Variants in LRBA observed in about 807,000 individuals in gnomAD.
LRBA encodes the protein LPS responsive beige-like anchor protein, also known as lipopolysaccharide-responsive and beige-like anchor protein.
LRBA carries 176 observed loss-of-function variants against 330.0 expected under a neutral mutation model. The ratio of observed to expected loss-of-function variants is 0.53; its 90% CI spans 0.47 to 0.60. The LOEUF is 0.60. Among genes scored for constraint, LRBA ranks in the 20% least tolerant of loss-of-function variants. LRBA has a pLI of 0.00. For missense variants in LRBA, 3,259 were observed against 3,444.8 expected (o/e 0.95, Z 1.35); for synonymous variants, 1,230 against 1,193.0 (o/e 1.03, Z -0.64).
chr4:150,891,673 G>C (rs1009129113), intron 17 of LRBA, among the ~76,000 whole-genome samples: 5 of 152,146 alleles, frequency 3.3e-5, no homozygotes, highest in Non-Finnish European at 5.9e-5. Flanking sequence ...TTCCACAATT[G>C]TGTAAAACAG....
At chr4:150,947,978 T>C (rs1736415378) in intron 2 of LRBA, among the ~76,000 whole-genome samples, 1 of 151,954 alleles carries the variant, frequency 6.6e-6, no homozygotes, top group East Asian at 1.9e-4. Context: ...AACAATAATA[T>C]GATGATGAAA....
chr4:150,302,308 T>C (rs139993227), intron 53 of LRBA, among the ~76,000 whole-genome samples: 210 of 152,344 alleles, frequency 1.4e-3, no homozygotes, highest in African/African-American at 4.9e-3. Context: ...CAAGGTAATA[T>C]GTGATTGCTC....
At chr4:150,477,515 A>C (rs1223936317) in intron 42 of LRBA, among the ~76,000 whole-genome samples, 1 of 152,088 alleles carries the variant, frequency 6.6e-6, no homozygotes, top group African/African-American at 2.4e-5. Flanking sequence ...CACTATCATG[A>C]GAACAACATG....
At chr4:150,557,659 C>T (rs1210675292) in intron 40 of LRBA, among the ~76,000 whole-genome samples, 6 of 151,972 alleles carry the variant, frequency 3.9e-5, no homozygotes, top group Non-Finnish European at 8.8e-5. Flanking sequence ...GTAGAATTCC[C>T]CTCAATTTGG....
At position 150,381,488 on chromosome 4, in the gene LRBA, TC is replaced by T. The variant is rs1742257710; in HGVS notation, c.7195-31330del. ...TATGTCTGGATTATTTAACTTAGCA[TC>T]ATGTTTTCATGGTTCATGCTGTAGC... is the stretch of plus-strand genomic sequence containing the variant. On this transcript the variant is annotated intron_variant, in intron 47 of 56. Transcript: ENST00000651943. Among the ~76,000 whole-genome samples the T allele has an allele frequency of 5.3e-5, 8 of 152,350 alleles. No homozygotes were observed. The South Asian group carries it at 1.5e-3, about 28-fold the overall frequency.
chr4:151,001,052 AC>A (rs1743268248), intron 2 of LRBA, among the ~76,000 whole-genome samples: 1 of 152,100 alleles, frequency 6.6e-6, no homozygotes, highest in African/African-American at 2.4e-5. Context: ...AAATGGTGCA[AC>A]AGCACCACTC....
intron 36 of LRBA, among the ~76,000 whole-genome samples, chr4:150,710,526 G>A (rs1179346463): frequency 1.3e-5 from 2 of 151,676 alleles, no homozygotes; most frequent in Non-Finnish European, 2.9e-5. Context: ...CAGAAATATT[G>A]GGTCAAAGTG....
chr4:150,593,448 T>C lies in LRBA; in HGVS notation c.6047-2589A>G, dbSNP rs149870032. 6.6e-4 allele frequency among the ~76,000 whole-genome samples: 100 copies of C among 152,290 alleles called. 2 individuals are homozygous for C. The Middle Eastern group carries it at 0.027, about 41-fold the overall frequency. On this transcript the variant is annotated intron_variant, in intron 38 of 56. Coordinates refer to ENST00000651943, the MANE Select transcript of LRBA (RefSeq NM_001364905.1). ...ATAAATTGACCAAGTTAACATGCGT[T>C]TGACAATTAGAGTCAGGATTTAAAA... is the stretch of plus-strand genomic sequence containing the variant.
chr4:150,372,258 GT>G (rs1412106587), intron 47 of LRBA, among the ~76,000 whole-genome samples: 1 of 151,950 alleles, frequency 6.6e-6, no homozygotes, highest in Non-Finnish European at 1.5e-5. Flanking sequence ...TCAATTTTAT[GT>G]CTCCAAAGTA....
Position 150,867,831 on chromosome 4 carries a change from C to T in LRBA, c.2606G>A (p.Trp869Ter). The T allele has an allele frequency of 6.2e-7, 1 of 1,613,116 alleles. No individual in the cohort carries two copies. Among genetic ancestry groups the T allele is most frequent in the Non-Finnish European group, 8.5e-7 (1 of 1,179,590 alleles). The change falls in exon 22 of 57, where the codon TGG (tryptophan) becomes TAG (stop). Residue 869 changes from tryptophan to a stop codon, truncating the protein, a stop_gained. Coordinates refer to ENST00000651943, the MANE Select transcript of LRBA (RefSeq NM_001364905.1). LOFTEE classifies it high-confidence loss of function. ...ATTAAAATAGCAGAGAGAAAGCATC[C>T]ATTCTTGCCACACAGAGCATTGTAG... ...SLLQCSVWQEWMLSLCYFNPK... is the reference protein window; with the variant it reads ...SLLQCSVWQE
At chr4:150,673,381 T>G (rs868779380) in intron 37 of LRBA, among the ~76,000 whole-genome samples, 1 of 152,198 alleles carries the variant, frequency 6.6e-6, no homozygotes, top group South Asian at 2.1e-4. Flanking sequence ...ATTTCATATT[T>G]AACTCCAAGT....
chr4:150,323,186 AAACAGGGAGC>A (rs763284521), intron 49 of LRBA, among the ~76,000 whole-genome samples: 2 of 152,134 alleles, frequency 1.3e-5, no homozygotes, highest in Non-Finnish European at 2.9e-5. Context: ...TAAAAATGAG[AAACAGGGAGC>A]AACATGAAGG....
At chr4:150,859,495 C>G (rs1214653172) in intron 22 of LRBA, among the ~76,000 whole-genome samples, 1 of 151,878 alleles carries the variant, frequency 6.6e-6, no homozygotes, top group Non-Finnish European at 1.5e-5. Context: ...AAATGAAAAC[C>G]TAGACAACAA....
rs1043517698 is a variant in LRBA at position 150,626,606 on chromosome 4, G to T, written c.5922-27475C>A. On this transcript the variant is annotated intron_variant, in intron 37 of 56. Transcript: ENST00000651943. ...AGAGACTGTAGTTTTTATGTAAAGGGTTTTCATCAAAACCAATAACTAATT... is the reference window on the plus strand; with the variant it reads ...AGAGACTGTAGTTTTTATGTAAAGGTTTTTCATCAAAACCAATAACTAATT... 4.5e-4 allele frequency among the ~76,000 whole-genome samples: 68 copies of T among 151,938 alleles called. 1 individual carries two copies. Among genetic ancestry groups the T allele is most frequent in the Admixed American group, 2.4e-3 (37 of 15,256 alleles).
intron 37 of LRBA, among the ~76,000 whole-genome samples, chr4:150,652,931 A>G (rs1012089058): frequency 1.3e-5 from 2 of 152,220 alleles, no homozygotes; most frequent in Non-Finnish European, 2.9e-5. Context: ...AGGAAAATCC[A>G]TATCAGCTTC....
intron 44 of LRBA, among the ~76,000 whole-genome samples, chr4:150,459,122 G>T (rs1020334279): frequency 2.6e-5 from 4 of 151,766 alleles, no homozygotes; most frequent in African/African-American, 9.7e-5. Context: ...TGTCTTATGG[G>T]GTGGGGATGG....
At chr4:150,789,115 T>C (rs1048808068) in intron 34 of LRBA, among the ~76,000 whole-genome samples, 6 of 152,142 alleles carry the variant, frequency 3.9e-5, no homozygotes, top group Non-Finnish European at 8.8e-5. Context: ...CATCACAGTA[T>C]TTTCCTGGCC....
intron 44 of LRBA, among the ~76,000 whole-genome samples, chr4:150,441,489 G>A (rs11726007): frequency 0.22 from 33,058 of 151,942 alleles, 4,426 homozygotes; most frequent in Non-Finnish European, 0.31. Context: ...TCCTTTAAAA[G>A]CACATAACAG....
chr4:150,878,485 T>C (rs1024480498), intron 17 of LRBA, among the ~76,000 whole-genome samples: 3 of 145,602 alleles, frequency 2.1e-5, no homozygotes, highest in Non-Finnish European at 4.6e-5. Flanking sequence ...AAATAAAAAA[T>C]AACAAAAATC....
Sources: allele counts gnomAD v4.1 joint callset (sites outside exome capture counted in the v4.1 genomes callset), GRCh38; gene constraint gnomAD v4.1.1; transcripts MANE v1.5; gene names NCBI Gene and HGNC (gene_info 2026-07-23, HGNC 2026-07-21).